Variants in FMO5 observed in about 807,000 individuals in gnomAD.
FMO5 encodes the protein flavin-containing monooxygenase 5.
FMO5 carries 51 observed loss-of-function variants against 43.6 expected under a neutral mutation model. The ratio of observed to expected loss-of-function variants is 1.17; its 90% CI spans 0.93 to 1.48. FMO5 has a LOEUF of 1.48. Among genes scored for constraint, FMO5 ranks in the 40% most tolerant of loss-of-function variants. FMO5 has a pLI of 0.00. For missense variants in FMO5, 644 were observed against 643.0 expected (o/e 1.00, Z -0.02); for synonymous variants, 187 against 216.5 (o/e 0.86, Z 1.20).
chr1:147,190,367 A>G (rs938288398), intron 7 of FMO5, 118 bp from the exon 8 acceptor site: 9 of 631,694 alleles, frequency 1.4e-5, no homozygotes, highest in Non-Finnish European at 2.2e-5. Flanking sequence ...TCCTGTACTC[A>G]AGGAGGTTAC....
At chr1:147,224,524 C>T (rs1254526392) in intron 2 of FMO5, among the ~76,000 whole-genome samples, 7 of 151,612 alleles carry the variant, frequency 4.6e-5, no homozygotes, top group Admixed American at 4.6e-4. Flanking sequence ...TAATTTTTTT[C>T]CTTGAGACGG....
chr1:147,209,011 C>G lies in FMO5; in HGVS notation c.671G>C (p.Arg224Pro), dbSNP rs782390826. The G allele has an allele frequency of 2.5e-6, 4 of 1,614,166 alleles. No homozygotes were observed. The highest frequency in any genetic ancestry group is 4.5e-5 in the East Asian group (2 of 44,892). Residue 224 changes from arginine (R) to proline (P), a missense_variant, in exon 6 of 9, where the codon CGT (arginine) becomes CCT (proline). Arg to Pro is a moderately radical substitution (Grantham distance 103). Coordinates refer to ENST00000254090, the MANE Select transcript of FMO5 (RefSeq NM_001461.4). ...AGCAGGATATCCGTAGTCCCCTACA[C>G]GATTCAGGATCCAAGCCCCTCTCCT... ...STRRGAWILN[R>P]VGDYGYPADV... is the part of the protein sequence containing the mutation.
Position 147,193,987 on chromosome 1 carries a change from A to C in FMO5, c.1184-3738T>G, listed in dbSNP as rs186939406. Among the ~76,000 whole-genome samples, 428 of 152,132 alleles carry C rather than the reference A, an allele frequency of 2.8e-3. 1 individual carries two copies. The highest frequency in any genetic ancestry group is 5.3e-3 in the Non-Finnish European group (362 of 68,014). On this transcript the variant is annotated intron_variant, in intron 7 of 8. Transcript: ENST00000254090. ...GCTGAAAAAAATGTATATTCCGTTG[A>C]TTTGGGGTGGAGAGTTCTGTAGATG...
intron 2 of FMO5, among the ~76,000 whole-genome samples, chr1:147,220,959 A>AAG (rs1553926122): frequency 6.6e-6 from 1 of 151,742 alleles, no homozygotes; most frequent in Admixed American, 6.6e-5. Flanking sequence ...AAAAAAAAAA[A>AAG]CAGTGGGTAT....
chr1:147,208,255 C>T (rs1483261324), intron 6 of FMO5, among the ~76,000 whole-genome samples: 1 of 152,008 alleles, frequency 6.6e-6, no homozygotes, highest in African/African-American at 2.4e-5. Flanking sequence ...GCACTGTCCT[C>T]AGCTATCATT....
intron 7 of FMO5, among the ~76,000 whole-genome samples, chr1:147,192,840 C>G (rs1349573576): frequency 6.6e-6 from 1 of 152,106 alleles, no homozygotes. Context: ...GTTGAACCAG[C>G]CTTGCATCCC....
chr1:147,187,156 A>T lies in FMO5; in HGVS notation c.1346T>A (p.Leu449Gln). The T allele has an allele frequency of 6.2e-7, 1 of 1,614,142 alleles. No individual in the cohort carries two copies. The highest frequency in any genetic ancestry group is 8.5e-7 in the Non-Finnish European group (1 of 1,180,016). The change falls in exon 9 of 9, where the codon CTG becomes CAG. Residue 449 changes from leucine to glutamine, a missense_variant. Coordinates refer to ENST00000254090, the MANE Select transcript of FMO5 (RefSeq NM_001461.4). ...GGGGTCAGTGAAGGCCAGAGACAGC[A>T]GATTGGGCCTGACCCCCACCAAATC... The part of the protein sequence containing the change: ...LADLVGVRPN[L>Q]LSLAFTDPKL...
At chr1:147,213,027 C>A (rs1293449144) in intron 4 of FMO5, among the ~76,000 whole-genome samples, 1 of 151,996 alleles carries the variant, frequency 6.6e-6, no homozygotes, top group Non-Finnish European at 1.5e-5. Flanking sequence ...ACCTAATGCT[C>A]CTCAAGAACT....
intron 7 of FMO5, among the ~76,000 whole-genome samples, chr1:147,192,390 A>G (rs1395396103): frequency 6.6e-6 from 1 of 152,134 alleles, no homozygotes; most frequent in Non-Finnish European, 1.5e-5. Context: ...GAAGTTGCTC[A>G]TCAGCTTAAG....
chr1:147,214,566 C>G (rs1661657483), intron 3 of FMO5, among the ~76,000 whole-genome samples: 1 of 152,024 alleles, frequency 6.6e-6, no homozygotes, highest in Non-Finnish European at 1.5e-5. Flanking sequence ...GGTGCCTCTG[C>G]CGAGATCACC....
intron 2 of FMO5, among the ~76,000 whole-genome samples, chr1:147,217,755 T>C (rs911713907): frequency 8.5e-5 from 13 of 152,210 alleles, no homozygotes; most frequent in African/African-American, 2.9e-4. Flanking sequence ...CTGGACTAAA[T>C]CTCTGCCCTA....
chr1:147,185,458 TAGGGAA>T (rs1373268840), downstream of FMO5, among the ~76,000 whole-genome samples: 3 of 152,122 alleles, frequency 2.0e-5, no homozygotes, highest in Admixed American at 2.0e-4. Context: ...TCACAAGGAT[TAGGGAA>T]AGCAAAAGAC....
chr1:147,185,502 TCTAA>T (rs1372948758), downstream of FMO5, among the ~76,000 whole-genome samples: 1 of 152,140 alleles, frequency 6.6e-6, no homozygotes, highest in Non-Finnish European at 1.5e-5. Context: ...TTCTCAGTTC[TCTAA>T]CTCTCAAAAG....
intron 7 of FMO5, 54 bp downstream of exon 7, chr1:147,201,098 C>A: frequency 7.8e-7 from 1 of 1,283,882 alleles, no homozygotes; most frequent in South Asian, 1.4e-5. Flanking sequence ...AGTACCTAAA[C>A]AGAGGTAAAC....
chr1:147,202,464 C>T (rs1659195553), intron 6 of FMO5, among the ~76,000 whole-genome samples: 2 of 151,864 alleles, frequency 1.3e-5, no homozygotes, highest in African/African-American at 2.4e-5. Flanking sequence ...GGACTACAGG[C>T]ACCTGCCACC....
rs782155365 is a variant in FMO5, at chr1:147,204,964, G to A, written c.831-3460C>T. On this transcript the variant is annotated intron_variant, in intron 6 of 8. Coordinates refer to ENST00000254090, the MANE Select transcript of FMO5 (RefSeq NM_001461.4). ...CCTGCAGGAAGCCGTTCACGTGACCGCTCAGAAGACCGCGGAGGAACCAAA... is the reference window on the plus strand; with the variant it reads ...CCTGCAGGAAGCCGTTCACGTGACCACTCAGAAGACCGCGGAGGAACCAAA... 147 of 1,335,056 alleles carry A rather than the reference G, an allele frequency of 1.1e-4. 1 individual carries two copies. Among genetic ancestry groups the A allele is most frequent in the Non-Finnish European group, 1.4e-4 (132 of 930,264 alleles). The allele number at this position is 1,335,056 out of a possible 1,614,324, so 82.7% of individuals were successfully genotyped here. A position where few individuals can be genotyped will look rare whatever the true frequency, so the allele number is the denominator to read the frequency against.
downstream of FMO5, among the ~76,000 whole-genome samples, chr1:147,184,970 A>G (rs1655490304): frequency 4.0e-5 from 6 of 150,762 alleles, no homozygotes; most frequent in South Asian, 1.2e-3. The surrounding 1 kb of genome is among the most constrained non-coding windows in gnomAD (Gnocchi z 4.4). Flanking sequence ...TTCTGGCACT[A>G]CAAGAATATA....
At chr1:147,212,250 A>G (rs1661196536) in intron 5 of FMO5, 143 bp downstream of exon 5, 1 of 776,998 alleles carries the variant, frequency 1.3e-6, no homozygotes, top group Non-Finnish European at 2.1e-6. Context: ...CAACTGAGGT[A>G]ATGAAACGAA....
chr1:147,224,430 C>T (rs1663633273), intron 2 of FMO5: 1 of 157,330 alleles, frequency 6.4e-6, no homozygotes, highest in Non-Finnish European at 1.4e-5. Flanking sequence ...AAAGCAAACC[C>T]AGCAAATCCA....
Sources: allele counts gnomAD v4.1 joint callset (sites outside exome capture counted in the v4.1 genomes callset), GRCh38; gene constraint gnomAD v4.1.1; non-coding constraint Gnocchi (gnomAD v3.1); transcripts MANE v1.5; gene names NCBI Gene and HGNC (gene_info 2026-07-23, HGNC 2026-07-21).